DCDC1: variants seen among roughly 807,000 people sequenced by gnomAD.
DCDC1 encodes doublecortin domain-containing protein 1.
A neutral mutation model predicts 178.3 loss-of-function variants in DCDC1; 200 were observed. The observed-to-expected ratio is 1.12, with a 90% CI of 1.00 to 1.26. DCDC1 has a LOEUF of 1.26. Ranked by LOEUF, DCDC1 falls within the 50% of genes most tolerant of loss-of-function variation. The pLI, the probability that DCDC1 is intolerant of heterozygous loss-of-function variation, is 0.00. For synonymous variants in DCDC1, 690 were observed against 604.8 expected, an observed-to-expected ratio of 1.14 and a Z score of -2.07; for missense variants, 1,983 against 1,749.2, an observed-to-expected ratio of 1.13 and a Z score of -2.38.
chr11:30,959,417 C>T (rs1433511777), intron 20 of DCDC1, among the ~76,000 whole-genome samples: 5 of 152,044 alleles, frequency 3.3e-5, no homozygotes, highest in Admixed American at 2.0e-4. Context: ...AGATCTTAGG[C>T]GACCACTGTA....
chr11:31,078,292 G>T (rs1383690970), intron 17 of DCDC1, among the ~76,000 whole-genome samples: 2 of 152,096 alleles, frequency 1.3e-5, no homozygotes, highest in African/African-American at 4.8e-5. Context: ...AAGATTAAGA[G>T]AATAGTATGA....
chr11:30,934,186 G>A (rs1947115988), intron 21 of DCDC1, among the ~76,000 whole-genome samples: 1 of 152,152 alleles, frequency 6.6e-6, no homozygotes, highest in South Asian at 2.1e-4. Flanking sequence ...CTCAAACCCA[G>A]TAGGTATTTG....
At chr11:31,216,144 C>A (rs1973527729) in intron 9 of DCDC1, among the ~76,000 whole-genome samples, 1 of 152,090 alleles carries the variant, frequency 6.6e-6, no homozygotes, top group African/African-American at 2.4e-5. Context: ...CAGAGAAACA[C>A]TGGAATTCCT....
chr11:30,963,318 T>A (rs908339620), intron 20 of DCDC1, among the ~76,000 whole-genome samples: 1 of 152,138 alleles, frequency 6.6e-6, no homozygotes, highest in Non-Finnish European at 1.5e-5. Context: ...CAACTGGTCA[T>A]TTCCTGGCCT....
At chr11:31,294,627 A>AGGGGAGGGGG (rs1565565976) in intron 6 of DCDC1, among the ~76,000 whole-genome samples, 3 of 1,786 alleles carry the variant, frequency 1.7e-3, no homozygotes, top group Non-Finnish European at 3.0e-3. Flanking sequence ...AGGGGAGGGG[A>AGGGGAGGGGG]GGGAGGGAAG....
At chr11:31,059,941 G>T (rs1283847525) in intron 20 of DCDC1, among the ~76,000 whole-genome samples, 1 of 151,956 alleles carries the variant, frequency 6.6e-6, no homozygotes, top group Non-Finnish European at 1.5e-5. Flanking sequence ...TGCTTAAAGA[G>T]TTTCTCATTG....
intron 20 of DCDC1, among the ~76,000 whole-genome samples, chr11:30,964,953 G>A (rs1949340934): frequency 6.6e-6 from 1 of 152,098 alleles, no homozygotes; most frequent in Admixed American, 6.6e-5. Flanking sequence ...GCTTGTTGAG[G>A]CTTCAGAGCA....
At chr11:31,275,258 T>A (rs188622976) in intron 7 of DCDC1, among the ~76,000 whole-genome samples, 3 of 152,232 alleles carry the variant, frequency 2.0e-5, no homozygotes, top group Non-Finnish European at 4.4e-5. Context: ...AAAGTATGCA[T>A]AATTCCAGAA....
chr11:31,328,003 T>A (rs1949741917), intron 3 of DCDC1, 114 bp downstream of exon 3: 6 of 1,100,980 alleles, frequency 5.4e-6, no homozygotes, highest in Non-Finnish European at 7.2e-6. Flanking sequence ...GTGCTGGGAT[T>A]ACAGGCATGA....
At chr11:31,170,439 G>C (rs1967068409) in intron 9 of DCDC1, among the ~76,000 whole-genome samples, 1 of 152,198 alleles carries the variant, frequency 6.6e-6, no homozygotes, top group Non-Finnish European at 1.5e-5. Context: ...TGAGAGAGAA[G>C]TATGGAATAG....
Position 30,986,314 on chromosome 11 carries a change from A to G in DCDC1, c.2592-33746T>C, listed in dbSNP as rs559753648. Among the ~76,000 whole-genome samples, 27 of 149,972 alleles carry G rather than the reference A, an allele frequency of 1.8e-4. No individual in the cohort carries two copies. In the East Asian group the frequency reaches 4.7e-3, roughly 26 times the overall value. ...GTTTACCCAAGGATTTTACATAATG[A>G]CTTCCACATTTTTCTCTCTCTCTTT... is the stretch of plus-strand genomic sequence containing the variant. On this transcript the variant is annotated intron_variant, in intron 20 of 38. Coordinates refer to ENST00000684477, the MANE Select transcript of DCDC1 (RefSeq NM_001387274.1).
chr11:31,263,688 A>G (rs899455355), intron 8 of DCDC1, among the ~76,000 whole-genome samples: 20 of 152,214 alleles, frequency 1.3e-4, no homozygotes, highest in African/African-American at 4.6e-4. Context: ...GTAAGTATTA[A>G]TTAAGGATGA....
At chr11:31,339,305 A>G (rs1950428323) in intron 1 of DCDC1, among the ~76,000 whole-genome samples, 1 of 151,870 alleles carries the variant, frequency 6.6e-6, no homozygotes, top group South Asian at 2.1e-4. Context: ...ATAAGGGTGG[A>G]CTCTTTTTAC....
At chr11:30,873,681 T>C (rs1460238093) in intron 38 of DCDC1, among the ~76,000 whole-genome samples, 1 of 152,172 alleles carries the variant, frequency 6.6e-6, no homozygotes, top group Admixed American at 6.5e-5. Flanking sequence ...GATGTTCAAG[T>C]AGCTCCTTCA....
intron 34 of DCDC1, among the ~76,000 whole-genome samples, chr11:30,897,229 C>T (rs534164078): frequency 1.3e-5 from 2 of 152,314 alleles, no homozygotes; most frequent in African/African-American, 4.8e-5. Context: ...CCAGAATGGA[C>T]ATCACTGACC....
rs558879581 is a variant in DCDC1 at position 30,992,419 on chromosome 11, C to T, written c.2592-39851G>A. On this transcript the variant is annotated intron_variant, in intron 20 of 38. Coordinates refer to ENST00000684477, the MANE Select transcript of DCDC1 (RefSeq NM_001387274.1). The stretch of plus-strand genomic sequence containing the variant: ...TGACTTCCAAGGAGTTATTTAAACC[C>T]AGACCCAGTGAGGCAGTCCTGCCAA... The T allele has an allele frequency of 5.3e-5, 8 of 152,302 alleles. No individual in the cohort carries two copies. The East Asian group carries it at 1.4e-3, about 26-fold the overall frequency. The allele number at this position is 152,302 out of a possible 1,614,324, so 9.4% of individuals were successfully genotyped here. A position where few individuals can be genotyped will look rare whatever the true frequency, so the allele number is the denominator to read the frequency against.
chr11:30,896,995 C>T (rs769418612), intron 34 of DCDC1, among the ~76,000 whole-genome samples: 5 of 152,152 alleles, frequency 3.3e-5, no homozygotes, highest in African/African-American at 4.8e-5. Flanking sequence ...CTGTTTTAGC[C>T]AACCCTGAGG....
At chr11:30,928,777 ATATATTTTCACTATTT>A (rs1171574973) in intron 22 of DCDC1, among the ~76,000 whole-genome samples, 3 of 150,390 alleles carry the variant, frequency 2.0e-5, no homozygotes, top group African/African-American at 7.3e-5. Flanking sequence ...TTGTAAAACA[ATATATTTTCACTATTT>A]TATTTCTCTT....
intron 20 of DCDC1, among the ~76,000 whole-genome samples, chr11:31,048,109 C>G (rs1449065430): frequency 6.6e-6 from 1 of 151,964 alleles, no homozygotes; most frequent in African/African-American, 2.4e-5. Flanking sequence ...AATATCTTAC[C>G]CCAAATCATA....
Sources: gnomAD v4.1 joint callset for allele counts (sites outside exome capture counted in the v4.1 genomes callset) on GRCh38, gnomAD v4.1.1 for gene constraint, MANE v1.5 for transcripts, NCBI Gene and HGNC (gene_info 2026-07-23, HGNC 2026-07-21) for gene names.